NUP188: variants seen among roughly 807,000 people sequenced by gnomAD.
The protein encoded by NUP188 is nucleoporin 188, also known as nucleoporin NUP188.
Under a neutral mutation model 223.0 loss-of-function variants are expected in NUP188, and 97 were observed. The ratio of observed to expected loss-of-function variants is 0.43; its 90% CI spans 0.37 to 0.51. The LOEUF is 0.51. Among genes scored for constraint, NUP188 ranks in the 20% least tolerant of loss-of-function variants. The pLI, the probability that NUP188 is intolerant of heterozygous loss-of-function variation, is 0.00. For synonymous variants in NUP188, 869 were observed against 828.0 expected, an observed-to-expected ratio of 1.05 and a Z score of -0.85; for missense variants, 1,947 against 2,175.6, an observed-to-expected ratio of 0.89 and a Z score of 2.09.
At chr9:128,974,351 A>G (rs1190533805) in intron 12 of NUP188, among the ~76,000 whole-genome samples, 1 of 145,860 alleles carries the variant, frequency 6.9e-6, no homozygotes, top group Non-Finnish European at 1.5e-5. Flanking sequence ...TGTCCCAGAC[A>G]TTTGTTGGTG....
At chr9:128,950,447 C>T (rs1841766636) in intron 2 of NUP188, among the ~76,000 whole-genome samples, 1 of 152,210 alleles carries the variant, frequency 6.6e-6, no homozygotes, top group Non-Finnish European at 1.5e-5. Flanking sequence ...TCTTGAATTC[C>T]TGGCCTCAGG....
chr9:128,969,613 A>G, intron 10 of NUP188, 99 bp downstream of exon 10: 2 of 668,568 alleles, frequency 3.0e-6, no homozygotes, highest in African/African-American at 1.9e-5. Context: ...TTGTGGAACT[A>G]CATTGTTCAG....
intron 8 of NUP188, among the ~76,000 whole-genome samples, chr9:128,959,984 T>G (rs1023889961): frequency 6.6e-6 from 1 of 152,118 alleles, no homozygotes; most frequent in Non-Finnish European, 1.5e-5. Context: ...GTTTAGTGGT[T>G]AATAGAATTC....
intron 8 of NUP188, among the ~76,000 whole-genome samples, chr9:128,961,579 T>TAG (rs1476050104): frequency 5.6e-5 from 7 of 125,800 alleles, no homozygotes; most frequent in African/African-American, 2.7e-4. Context: ...TATCTATATC[T>TAG]ATCTATCTAT....
chr9:128,986,544 A>G lies in NUP188; in HGVS notation c.2077-14A>G, dbSNP rs1211948840. ...TTAAATGTGCGGAAGTCCTCACTGC[A>G]TGGTTTCTTGTAGGGGCAACTTGGT... On this transcript the variant is annotated splice_polypyrimidine_tract_variant and intron_variant, in intron 20 of 43. Transcript: ENST00000372577. 5.0e-6 allele frequency: 8 copies of G among 1,611,702 alleles called. No individual in the cohort carries two copies. Among genetic ancestry groups the G allele is most frequent in the African/African-American group, 4.0e-5 (3 of 74,840 alleles).
intron 12 of NUP188, among the ~76,000 whole-genome samples, chr9:128,975,877 A>G (rs1030703530): frequency 6.6e-6 from 1 of 152,028 alleles, no homozygotes; most frequent in African/African-American, 2.4e-5. Context: ...GCTGGAGTAC[A>G]GTGGCGTGAT....
At position 128,995,516 on chromosome 9, in the gene NUP188, T is replaced by TGGTGGC; in HGVS notation, c.3351+2_3351+3insGGTGGC. On this transcript the variant is annotated splice_region_variant and intron_variant, in intron 30 of 43. Coordinates refer to ENST00000372577, the MANE Select transcript of NUP188 (RefSeq NM_015354.3). ...CTTCTCATCATTGCCACCACTCATG[T>TGGTGGC]AAGACCCTTTTGGGGAGAGTTTTCA... 2 of 1,577,718 alleles carry TGGTGGC rather than the reference T, an allele frequency of 1.3e-6. No homozygotes were observed. The highest frequency in any genetic ancestry group is 1.7e-6 in the Non-Finnish European group (2 of 1,163,564).
In NUP188 at chr9:128,985,010, T is replaced by G; in HGVS notation, c.2072T>G (p.Val691Gly). Residue 691 changes from valine (V) to glycine (G), a missense_variant, in exon 20 of 44, where the codon GTC becomes GGC. Transcript: ENST00000372577. Reference protein sequence around the residue: ...IAFLRLITTLVKGQLGSTQSQ... With the variant: ...IAFLRLITTLGKGQLGSTQSQ... ...TTTCTGCGCTTGATCACCACCCTTG[T>G]CAAGGTACAGTCTGATTTTGTTCAC... 6.2e-7 allele frequency: 1 copy of G among 1,608,290 alleles called. No homozygotes were observed. The highest frequency in any genetic ancestry group is 1.3e-5 in the African/African-American group (1 of 74,912).
At chr9:128,950,110 A>C (rs926936254) in intron 2 of NUP188, among the ~76,000 whole-genome samples, 6 of 151,374 alleles carry the variant, frequency 4.0e-5, no homozygotes, top group Admixed American at 4.0e-4. Flanking sequence ...TTTAGTAGAG[A>C]CAGGGTTTTG....
At chr9:128,948,001 C>G in intron 1 of NUP188, 1 of 382,012 alleles carries the variant, frequency 2.6e-6, no homozygotes, top group East Asian at 3.7e-5. Context: ...ATCTCCTCAC[C>G]CAGGGCCCTT....
At position 128,988,110 on chromosome 9, in the gene NUP188, C is replaced by T. The variant is rs142643186; in HGVS notation, c.2457C>T (p.Ser819=). The change falls in exon 24 of 44, where the codon TCC becomes TCT. Residue 819 remains serine, a synonymous_variant. Coordinates refer to ENST00000372577, the MANE Select transcript of NUP188 (RefSeq NM_015354.3). ...TCAAGACAGTGAAACTGGCATTCTC[C>T]GTCACCAACAATGTTATTCGGCTGA... ...LLIKTVKLAF[S]VTNNVIRLKP... 1.7e-5 allele frequency: 28 copies of T among 1,614,042 alleles called. No individual in the cohort carries two copies. The highest frequency in any genetic ancestry group is 1.2e-4 in the African/African-American group (9 of 74,934).
At position 128,995,315 on chromosome 9, in the gene NUP188, G is replaced by A. The variant is rs1489953843; in HGVS notation, c.3156-4G>A. The A allele has an allele frequency of 1.9e-6, 3 of 1,611,240 alleles. No individual in the cohort carries two copies. The highest frequency in any genetic ancestry group is 1.1e-5 in the South Asian group (1 of 91,012). ...TAACTGGAGGTTTTTTCTTGACACT[G>A]TAGGGGTTCATTAGACCAGTCATTA... is the stretch of plus-strand genomic sequence containing the variant. On this transcript the variant is annotated splice_polypyrimidine_tract_variant and splice_region_variant and intron_variant, in intron 29 of 43. Coordinates refer to ENST00000372577, the MANE Select transcript of NUP188 (RefSeq NM_015354.3).
rs774605550 is a variant in NUP188 at position 128,999,651 on chromosome 9, T to G, written c.3689T>G (p.Leu1230Arg). ...AGTGACATCCCCCAGTACTCCCAGC[T>G]GGTGCTGAATGTCTGTGAGACCCTC... ...KVSDIPQYSQ[L>R]VLNVCETLQE... Residue 1230 changes from leucine (L) to arginine (R), a missense_variant, in exon 34 of 44, where the codon CTG (leucine) becomes CGG (arginine). This residue lies in a region of NUP188 where 905 missense variants were observed against 990.6 expected (regional missense o/e 0.91). Transcript: ENST00000372577. 2.3e-5 allele frequency: 37 copies of G among 1,614,120 alleles called. No homozygotes were observed. The South Asian group carries it at 4.0e-4, about 17-fold the overall frequency.
At chr9:128,953,267 A>G (rs1444838143) in intron 3 of NUP188, among the ~76,000 whole-genome samples, 1 of 152,212 alleles carries the variant, frequency 6.6e-6, no homozygotes, top group African/African-American at 2.4e-5. Flanking sequence ...TTTAATCCCC[A>G]CAACACCCCT....
chr9:128,979,115 G>A, intron 12 of NUP188, 147 bp from the exon 13 acceptor site: 1 of 520,434 alleles, frequency 1.9e-6, no homozygotes, highest in Non-Finnish European at 3.5e-6. Context: ...TGTTCCCCAG[G>A]CTGCTCTGGA....
intron 12 of NUP188, among the ~76,000 whole-genome samples, chr9:128,978,633 G>C (rs960842094): frequency 6.6e-6 from 1 of 151,280 alleles, no homozygotes. Context: ...CTCTAGTCTG[G>C]GTGATAGAGC....
chr9:128,950,595 C>T (rs1841768994), intron 2 of NUP188, among the ~76,000 whole-genome samples: 1 of 152,184 alleles, frequency 6.6e-6, no homozygotes, highest in Admixed American at 6.5e-5. Flanking sequence ...AACCCCAGCA[C>T]TTTGGAAGGC....
rs1842287133 is a variant in NUP188, at chr9:128,983,542, G to A, written c.1953G>A (p.Gln651=). 1.9e-6 allele frequency: 3 copies of A among 1,613,682 alleles called. No homozygotes were observed. Among genetic ancestry groups the A allele is most frequent in the Non-Finnish European group, 2.5e-6 (3 of 1,179,796 alleles). Residue 651 remains glutamine, a synonymous_variant, in exon 19 of 44, where the codon CAG becomes CAA. Transcript: ENST00000372577. ...FVAHPVSSLS[Q]MISAEGMNAG... ...CCCATCCTGTCTCCAGCCTGAGTCA[G>A]ATGATTAGGTGAGCCAAGTCCTAGG...
At position 129,001,595 on chromosome 9, in the gene NUP188, C is replaced by T. The variant is rs147521699; in HGVS notation, c.3910C>T (p.Leu1304=). The part of the protein sequence containing the change: ...CEVDEDGDSW[L]QVTRRLPILP... ...GGTAGACGAGGATGGTGACTCCTGG[C>T]TGCAGGTAACCCGCAGGCTCCCCAT... Residue 1304 remains leucine (L), a synonymous_variant, in exon 35 of 44, where the codon CTG becomes TTG. Transcript: ENST00000372577. 2 of 1,614,076 alleles carry T rather than the reference C, an allele frequency of 1.2e-6. No individual in the cohort carries two copies. The highest frequency in any genetic ancestry group is 1.7e-6 in the Non-Finnish European group (2 of 1,180,010).
Sources: gnomAD v4.1 joint callset for allele counts (sites outside exome capture counted in the v4.1 genomes callset) on GRCh38, gnomAD v4.1.1 for gene constraint, gnomAD v4.1.1 regional missense constraint, MANE v1.5 for transcripts, NCBI Gene and HGNC (gene_info 2026-07-23, HGNC 2026-07-21) for gene names.